Variants in PHACTR2 observed in about 807,000 individuals in gnomAD.
PHACTR2 encodes chromosome 6 open reading frame 56.
In PHACTR2, 30 loss-of-function variants were observed where a neutral mutation model predicts 76.0. That is an observed-to-expected ratio of 0.39 (90% CI 0.30 to 0.54). The LOEUF is 0.54. PHACTR2 is among the 20% of genes least tolerant of loss of function. The pLI is 0.61. For synonymous variants in PHACTR2, 292 were observed against 292.5 expected (o/e 1.00, Z 0.02); for missense variants, 696 against 781.1 (o/e 0.89, Z 1.30).
rs529633889 is a variant in PHACTR2, at chr6:143,782,221, G to A, written c.1646-998G>A. On this transcript the variant is annotated intron_variant, in intron 9 of 12. Coordinates refer to ENST00000440869, the MANE Select transcript of PHACTR2 (RefSeq NM_001100164.2). This position sits in a 1 kb window ranked among gnomAD's most constrained non-coding sequence, Gnocchi z 4.6. ...AGCCTGGGTGACAGAGCGAGAATCC[G>A]TTTCAAAAAATAAAATAAAAATAAA... is the stretch of plus-strand genomic sequence containing the variant. 1.1e-3 allele frequency among the ~76,000 whole-genome samples: 163 copies of A among 152,008 alleles called. 2 individuals are homozygous for A. Among genetic ancestry groups the A allele is most frequent in the Non-Finnish European group, 4.6e-4 (31 of 68,006 alleles).
At chr6:143,747,626 C>T (rs564793609) in intron 2 of PHACTR2, among the ~76,000 whole-genome samples, 2 of 152,274 alleles carry the variant, frequency 1.3e-5, no homozygotes, top group Admixed American at 6.5e-5. Context: ...AATCGGGGAA[C>T]GTCAGAAATC....
Position 143,710,938 on chromosome 6 carries a change from C to G in PHACTR2, c.47-1078C>G, listed in dbSNP as rs1436001517. On this transcript the variant is annotated intron_variant, in intron 1 of 12. Transcript: ENST00000440869. This position sits in a 1 kb window ranked among gnomAD's most constrained non-coding sequence, Gnocchi z 4.9. ...CCATCTGCCTTTTCCATCTATCTAT[C>G]CAGTTATTATTTTTGACGGACATCA... 2.2e-6 allele frequency: 1 copy of G among 447,076 alleles called. No homozygotes were observed. Among genetic ancestry groups the G allele is most frequent in the African/African-American group, 2.0e-5 (1 of 48,864 alleles). The allele number at this position is 447,076 out of a possible 1,614,324, so 27.7% of individuals were successfully genotyped here. A position where few individuals can be genotyped will look rare whatever the true frequency, so the allele number is the denominator to read the frequency against.
rs1455661936 is a variant in PHACTR2 at position 143,654,851 on chromosome 6, G to C, written c.13+46529G>C. 6.6e-6 allele frequency among the ~76,000 whole-genome samples: 1 copy of C among 151,692 alleles called. No individual in the cohort carries two copies. The highest frequency in any genetic ancestry group is 1.5e-5 in the Non-Finnish European group (1 of 67,980). On this transcript the variant is annotated intron_variant, in intron 1 of 11. Coordinates refer to the PHACTR2 transcript ENST00000305766. This position sits in a 1 kb window ranked among gnomAD's most constrained non-coding sequence, Gnocchi z 4.6. Reference sequence around the variant, plus strand: ...GAAGTATTGATACATGCCACAACATGGACGACTCTTAAAAACATCATGCTA... The same window carrying C: ...GAAGTATTGATACATGCCACAACATCGACGACTCTTAAAAACATCATGCTA...
chr6:143,633,777 C>A lies in PHACTR2; in HGVS notation c.13+25455C>A, dbSNP rs1262035405. Among the ~76,000 whole-genome samples the A allele has an allele frequency of 1.3e-5, 2 of 152,052 alleles. No homozygotes were observed. Among genetic ancestry groups the A allele is most frequent in the African/African-American group, 2.4e-5 (1 of 41,372 alleles). On this transcript the variant is annotated intron_variant, in intron 1 of 11. Transcript: ENST00000305766. This position sits in a 1 kb window ranked among gnomAD's most constrained non-coding sequence, Gnocchi z 4.1. ...CTTCTGGGAATTCTGTAGTTTTGTA[C>A]TTTATATTTAGATCCATAATCGATT...
At position 143,618,596 on chromosome 6, in the gene PHACTR2, C is replaced by T. The variant is rs1245296179; in HGVS notation, c.13+10274C>T. Among the ~76,000 whole-genome samples, 2 of 86,030 alleles carry T rather than the reference C, an allele frequency of 2.3e-5. No individual in the cohort carries two copies. The highest frequency in any genetic ancestry group is 6.4e-5 in the Non-Finnish European group (2 of 31,434). The allele number at this position is 86,030 out of a possible 152,430, so 56.4% of individuals were successfully genotyped here. A position where few individuals can be genotyped will look rare whatever the true frequency, so the allele number is the denominator to read the frequency against. ...ATTGGGAGGATCCACCAGGGACTGGCAGGGGAGGCTGGGGGGGGATAGGGG... is the reference window on the plus strand; with the variant it reads ...ATTGGGAGGATCCACCAGGGACTGGTAGGGGAGGCTGGGGGGGGATAGGGG... On this transcript the variant is annotated intron_variant, in intron 1 of 11. Transcript: ENST00000305766. This position sits in a 1 kb window ranked among gnomAD's most constrained non-coding sequence, Gnocchi z 5.2.
At chr6:143,542,322 G>A (rs769665157) in intron 1 of PHACTR2, among the ~76,000 whole-genome samples, 7 of 152,168 alleles carry the variant, frequency 4.6e-5, no homozygotes, top group African/African-American at 1.4e-4. Flanking sequence ...TCCAGAAGGG[G>A]CATCTCCTAT....
intron 1 of PHACTR2, among the ~76,000 whole-genome samples, chr6:143,538,542 C>T (rs1460666637): frequency 6.6e-6 from 1 of 152,178 alleles, no homozygotes; most frequent in South Asian, 2.1e-4. Flanking sequence ...AAAGCCCTGC[C>T]GGGGCGTGAA....
Position 143,784,121 on chromosome 6 carries a change from T to C in PHACTR2, c.1707+841T>C. On this transcript the variant is annotated intron_variant, in intron 10 of 12. Coordinates refer to ENST00000440869, the MANE Select transcript of PHACTR2 (RefSeq NM_001100164.2). This position sits in a 1 kb window ranked among gnomAD's most constrained non-coding sequence, Gnocchi z 4.5. ...TAAAATGCTCACACTTTCCATTTAG[T>C]GTTGGAAATATTAAACAAGTAAGTA... 6.6e-6 allele frequency among the ~76,000 whole-genome samples: 1 copy of C among 152,228 alleles called. No individual in the cohort carries two copies. The highest frequency in any genetic ancestry group is 1.5e-5 in the Non-Finnish European group (1 of 68,040).
chr6:143,537,859 G>C lies in PHACTR2; in HGVS notation c.217+652G>C, dbSNP rs1316353805. Among the ~76,000 whole-genome samples, 1 of 152,160 alleles carries C rather than the reference G, an allele frequency of 6.6e-6. No individual in the cohort carries two copies. Among genetic ancestry groups the C allele is most frequent in the Non-Finnish European group, 1.5e-5 (1 of 68,032 alleles). ...GGTGGCTCACGCCTGTAATTCCAGAGCTTTGGGAGGCCCAAGGCCGGCCGA... is the reference window on the plus strand; with the variant it reads ...GGTGGCTCACGCCTGTAATTCCAGACCTTTGGGAGGCCCAAGGCCGGCCGA... On this transcript the variant is annotated intron_variant, in intron 1 of 11. Transcript: ENST00000367584. This position sits in a 1 kb window ranked among gnomAD's most constrained non-coding sequence, Gnocchi z 4.4.
rs544297001 is a variant in PHACTR2 at position 143,788,847 on chromosome 6, G to A, written c.1782G>A (p.Thr594=). The A allele has an allele frequency of 4.0e-5, 64 of 1,613,782 alleles. No individual in the cohort carries two copies. Among genetic ancestry groups the A allele is most frequent in the Admixed American group, 5.0e-5 (3 of 60,012 alleles). The part of the protein sequence containing the change: ...ILRFNEYVEV[T]DSPDYDRRAD... ...GATTTAACGAGTATGTAGAAGTCAC[G>A]GATTCTCCTGACTATGACCGCCGAG... The change falls in exon 11 of 13, where the codon ACG becomes ACA. Residue 594 remains threonine (T), a synonymous_variant. Transcript: ENST00000440869.
chr6:143,754,823 T>C lies in PHACTR2; in HGVS notation c.454+911T>C, dbSNP rs1243536428. On this transcript the variant is annotated intron_variant, in intron 4 of 12. Coordinates refer to ENST00000440869, the MANE Select transcript of PHACTR2 (RefSeq NM_001100164.2). The surrounding 1 kb of genome is among the most constrained non-coding windows in gnomAD (Gnocchi z 6.2). ...TTATAATGTCTGTCTCTAAGTTGAATGGTAAAATTTTGTCAAACCTAGTGT... is the reference window on the plus strand; with the variant it reads ...TTATAATGTCTGTCTCTAAGTTGAACGGTAAAATTTTGTCAAACCTAGTGT... Among the ~76,000 whole-genome samples the C allele has an allele frequency of 6.6e-6, 1 of 152,140 alleles. No individual in the cohort carries two copies. The highest frequency in any genetic ancestry group is 1.9e-4 in the East Asian group (1 of 5,200).
intron 11 of PHACTR2, among the ~76,000 whole-genome samples, chr6:143,798,818 G>T (rs540715040): frequency 6.6e-6 from 1 of 152,222 alleles, no homozygotes; most frequent in South Asian, 2.1e-4. Context: ...TTGCACTGAT[G>T]TTCATCGGGG....
intron 2 of PHACTR2, among the ~76,000 whole-genome samples, chr6:143,717,480 C>G (rs1778329844): frequency 6.6e-6 from 1 of 152,022 alleles, no homozygotes; most frequent in African/African-American, 2.4e-5. Flanking sequence ...TAATAACATA[C>G]ATGGGATGTA....
At chr6:143,694,587 A>C (rs1777727426) in intron 1 of PHACTR2, among the ~76,000 whole-genome samples, 1 of 152,188 alleles carries the variant, frequency 6.6e-6, no homozygotes, top group Non-Finnish European at 1.5e-5. Flanking sequence ...GTATGCTTTC[A>C]TTGTCTTAGA....
rs1246482633 is a variant in PHACTR2, at chr6:143,678,357, A to G, written c.46+148A>G. The G allele has an allele frequency of 3.0e-6, 2 of 677,612 alleles. No homozygotes were observed. Among genetic ancestry groups the G allele is most frequent in the African/African-American group, 1.9e-5 (1 of 52,356 alleles). The allele number at this position is 677,612 out of a possible 1,614,324, so 42.0% of individuals were successfully genotyped here. A position where few individuals can be genotyped will look rare whatever the true frequency, so the allele number is the denominator to read the frequency against. Reference sequence around the variant, plus strand: ...GAAACCCCAGAGGTAGCGCTCGCCAAACTCTTTGTCGTGAAAGAGGAATGC... The same window carrying G: ...GAAACCCCAGAGGTAGCGCTCGCCAGACTCTTTGTCGTGAAAGAGGAATGC... On this transcript the variant is annotated intron_variant, in intron 1 of 12. Coordinates refer to ENST00000440869, the MANE Select transcript of PHACTR2 (RefSeq NM_001100164.2). The surrounding 1 kb of genome is among the most constrained non-coding windows in gnomAD (Gnocchi z 6.2).
rs1046529694 is a variant in PHACTR2 at position 143,664,463 on chromosome 6, C to G, written c.14-47553C>G. Among the ~76,000 whole-genome samples, 5 of 151,980 alleles carry G rather than the reference C, an allele frequency of 3.3e-5. No individual in the cohort carries two copies. The highest frequency in any genetic ancestry group is 1.3e-4 in the Admixed American group (2 of 15,248). On this transcript the variant is annotated intron_variant, in intron 1 of 11. Transcript: ENST00000305766. The surrounding 1 kb of genome is among the most constrained non-coding windows in gnomAD (Gnocchi z 5.1). ...TTTGTGTCATCTTTTTAAGCATGCTCTTCTTCAATTTTCTTTCATTTTCTC... is the reference window on the plus strand; with the variant it reads ...TTTGTGTCATCTTTTTAAGCATGCTGTTCTTCAATTTTCTTTCATTTTCTC...
rs1047703482 is a variant in PHACTR2, at chr6:143,741,471, T to A, written c.215-7514T>A. Reference sequence around the variant, plus strand: ...TGGCCCCACTGTACTCCAGCTTGAGTGACAAAGTGAGATTCCATCTGAAAA... The same window carrying A: ...TGGCCCCACTGTACTCCAGCTTGAGAGACAAAGTGAGATTCCATCTGAAAA... On this transcript the variant is annotated intron_variant, in intron 2 of 12. Coordinates refer to ENST00000440869, the MANE Select transcript of PHACTR2 (RefSeq NM_001100164.2). Among the ~76,000 whole-genome samples, 4 of 152,090 alleles carry A rather than the reference T, an allele frequency of 2.6e-5. No homozygotes were observed. In the South Asian group the frequency reaches 8.3e-4, roughly 32 times the overall value.
intron 1 of PHACTR2, among the ~76,000 whole-genome samples, chr6:143,706,948 A>G (rs1439020950): frequency 6.6e-6 from 1 of 152,192 alleles, no homozygotes; most frequent in Non-Finnish European, 1.5e-5. Context: ...TTGTTTAATG[A>G]TAGCATGTAT....
rs928853128 is a variant in PHACTR2 at position 143,723,348 on chromosome 6, T to A, written c.214+11165T>A. ...TGAGGAAGACAATTATTCTTATTTT[T>A]AAAAATCAGTAGAGGAGGGTTTGAG... is the stretch of plus-strand genomic sequence containing the variant. On this transcript the variant is annotated intron_variant, in intron 2 of 12. Coordinates refer to ENST00000440869, the MANE Select transcript of PHACTR2 (RefSeq NM_001100164.2). Among the ~76,000 whole-genome samples, 4 of 152,180 alleles carry A rather than the reference T, an allele frequency of 2.6e-5. No homozygotes were observed. In the East Asian group the frequency reaches 7.7e-4, roughly 29 times the overall value.
Sources: gnomAD v4.1 joint callset for allele counts (sites outside exome capture counted in the v4.1 genomes callset) on GRCh38, gnomAD v4.1.1 for gene constraint, Gnocchi (gnomAD v3.1) non-coding constraint, MANE v1.5 for transcripts, NCBI Gene and HGNC (gene_info 2026-07-23, HGNC 2026-07-21) for gene names.